The following MYO3A variants were observed in gnomAD, a reference collection of about 807,000 sequenced individuals.
MYO3A encodes the protein myosin-IIIa.
MYO3A carries 180 observed loss-of-function variants against 192.7 expected under a neutral mutation model. That is an observed-to-expected ratio of 0.93 (90% CI 0.83 to 1.06). MYO3A has a LOEUF of 1.06. Among genes scored for constraint, MYO3A ranks in the 50% least tolerant of loss-of-function variants. The pLI is 0.00. For missense variants in MYO3A, 1,896 were observed against 1,905.0 expected, an observed-to-expected ratio of 1.00 and a Z score of 0.09; for synonymous variants, 628 against 645.3, an observed-to-expected ratio of 0.97 and a Z score of 0.41.
chr10:25,959,976 C>T (rs538886335), intron 4 of MYO3A, among the ~76,000 whole-genome samples: 2 of 152,132 alleles, frequency 1.3e-5, no homozygotes, highest in South Asian at 2.1e-4. Context: ...TCTACTATTC[C>T]CTAGCACTAT....
chr10:25,955,081 A>G (rs916430191), intron 4 of MYO3A, 73 bp downstream of exon 4: 22 of 1,549,716 alleles, frequency 1.4e-5, no homozygotes, highest in Non-Finnish European at 1.8e-5. Context: ...TATACTATTT[A>G]TGTAACATTG....
chr10:26,192,589 G>A lies in MYO3A; in HGVS notation c.4439-616G>A, dbSNP rs570435370. ...TCTGAACTGCTCTATTCAATTCCAC[G>A]TGACCAAACTATGCATTCTTTCTCG... On this transcript the variant is annotated intron_variant, in intron 31 of 34. Transcript: ENST00000642920. Among the ~76,000 whole-genome samples the A allele has an allele frequency of 1.3e-4, 19 of 151,286 alleles. 1 individual carries two copies. The highest frequency in any genetic ancestry group is 9.7e-4 in the East Asian group (5 of 5,156).
At chr10:26,019,250 TA>T (rs1268530342) in intron 7 of MYO3A, among the ~76,000 whole-genome samples, 6 of 128,482 alleles carry the variant, frequency 4.7e-5, no homozygotes, top group African/African-American at 1.1e-4. Flanking sequence ...TTTATTTATT[TA>T]TTTATTTATT....
At chr10:26,162,608 G>GT (rs918723753) in intron 26 of MYO3A, among the ~76,000 whole-genome samples, 5 of 152,172 alleles carry the variant, frequency 3.3e-5, no homozygotes, top group Non-Finnish European at 5.9e-5. Context: ...TAATTTCATG[G>GT]TTTTTTACAA....
chr10:26,105,554 C>T (rs568747334), intron 17 of MYO3A, among the ~76,000 whole-genome samples: 15 of 152,058 alleles, frequency 9.9e-5, no homozygotes, highest in African/African-American at 3.1e-4. Context: ...TATTTATATG[C>T]TTTATGTCAA....
Position 26,212,210 on chromosome 10 carries a change from T to C in MYO3A, c.*247T>C. The C allele has an allele frequency of 1.9e-6, 1 of 537,060 alleles. No homozygotes were observed. Among genetic ancestry groups the C allele is most frequent in the East Asian group, 2.9e-5 (1 of 34,456 alleles). 33.3% of individuals were successfully genotyped at this position (537,060 alleles called of 1,614,324 possible). On this transcript the variant is annotated 3_prime_UTR_variant, in exon 35 of 35. Coordinates refer to ENST00000642920, the MANE Select transcript of MYO3A (RefSeq NM_017433.5). Reference sequence around the variant, plus strand: ...CTCGGAACTCCCGCACCCTCCTTTCTCACCAGCCCGCCAGTTGTGGCAACC... The same window carrying C: ...CTCGGAACTCCCGCACCCTCCTTTCCCACCAGCCCGCCAGTTGTGGCAACC...
chr10:26,097,399 AATTAT>A (rs1837107790), intron 17 of MYO3A, among the ~76,000 whole-genome samples: 1 of 151,072 alleles, frequency 6.6e-6, no homozygotes, highest in East Asian at 1.9e-4. Flanking sequence ...ATTTTTTTTT[AATTAT>A]ATTTTAACTT....
intron 6 of MYO3A, among the ~76,000 whole-genome samples, chr10:25,998,641 C>G (rs1312790086): frequency 6.6e-6 from 1 of 152,112 alleles, no homozygotes; most frequent in Non-Finnish European, 1.5e-5. Flanking sequence ...CCCTGTAAGA[C>G]AGACTCAAAT....
At chr10:26,042,885 A>G (rs1464383422) in intron 10 of MYO3A, among the ~76,000 whole-genome samples, 3 of 152,098 alleles carry the variant, frequency 2.0e-5, no homozygotes, top group Non-Finnish European at 2.9e-5. Flanking sequence ...ATTCATCTAT[A>G]TTTGGGCATT....
intron 6 of MYO3A, among the ~76,000 whole-genome samples, chr10:26,015,270 G>T (rs985098272): frequency 6.6e-6 from 1 of 151,768 alleles, no homozygotes; most frequent in Non-Finnish European, 1.5e-5. Flanking sequence ...ATTCTGCCTG[G>T]AATTTTCCAC....
At chr10:25,988,709 G>T (rs1456202772) in intron 4 of MYO3A, among the ~76,000 whole-genome samples, 3 of 151,924 alleles carry the variant, frequency 2.0e-5, no homozygotes, top group African/African-American at 7.3e-5. Context: ...TGAATAAACA[G>T]TGGTTCATCC....
intron 2 of MYO3A, among the ~76,000 whole-genome samples, chr10:25,943,505 A>G (rs1415889496): frequency 1.3e-5 from 2 of 152,152 alleles, no homozygotes; most frequent in African/African-American, 4.8e-5. Context: ...CTTCTAATCC[A>G]TGAACACAGA....
At chr10:25,956,475 A>G (rs1417236949) in intron 4 of MYO3A, among the ~76,000 whole-genome samples, 3 of 150,310 alleles carry the variant, frequency 2.0e-5, no homozygotes, top group South Asian at 2.1e-4. Context: ...TTACAGTCAC[A>G]TGCCACCATG....
At chr10:26,097,393 T>C (rs1837107201) in intron 17 of MYO3A, among the ~76,000 whole-genome samples, 1 of 152,208 alleles carries the variant, frequency 6.6e-6, no homozygotes, top group Admixed American at 6.5e-5. Flanking sequence ...CGTTTTATTT[T>C]TTTTTAATTA....
At chr10:26,149,137 AG>A (rs1246804967) in intron 23 of MYO3A, among the ~76,000 whole-genome samples, 2 of 151,956 alleles carry the variant, frequency 1.3e-5, no homozygotes, top group African/African-American at 4.8e-5. Context: ...ATTTTTTCAT[AG>A]AAGCCCTTTA....
At chr10:26,199,288 C>T (rs1214909480) in intron 32 of MYO3A, among the ~76,000 whole-genome samples, 3 of 152,216 alleles carry the variant, frequency 2.0e-5, no homozygotes, top group East Asian at 3.8e-4. Context: ...CGCAGCGGCT[C>T]ACACCTGTAA....
At chr10:26,150,716 A>G (rs368033843) in intron 23 of MYO3A, among the ~76,000 whole-genome samples, 3 of 152,108 alleles carry the variant, frequency 2.0e-5, no homozygotes, top group Admixed American at 6.5e-5. Flanking sequence ...TTTATTCTTG[A>G]TAGATTTCCT....
At chr10:26,086,810 G>A (rs868355084) in intron 14 of MYO3A, among the ~76,000 whole-genome samples, 13 of 152,146 alleles carry the variant, frequency 8.5e-5, no homozygotes, top group Middle Eastern at 3.4e-3. Context: ...TAGAGGAGCT[G>A]AACACTTGAA....
intron 4 of MYO3A, among the ~76,000 whole-genome samples, chr10:25,989,525 ACAC>A (rs1564433593): frequency 2.0e-5 from 3 of 152,294 alleles, no homozygotes; most frequent in Admixed American, 2.0e-4. Context: ...ATGAAGAAAA[ACAC>A]CAAATATAAA....
Sources: gnomAD v4.1 joint callset for allele counts (sites outside exome capture counted in the v4.1 genomes callset) on GRCh38, gnomAD v4.1.1 for gene constraint, MANE v1.5 for transcripts, NCBI Gene and HGNC (gene_info 2026-07-23, HGNC 2026-07-21) for gene names.